The following PTPN13 variants were observed in gnomAD, a reference collection of about 807,000 sequenced individuals.
The protein encoded by PTPN13 is protein tyrosine phosphatase non-receptor type 13.
In PTPN13, 191 loss-of-function variants were observed where a neutral mutation model predicts 284.0. That is an observed-to-expected ratio of 0.67 (90% confidence interval 0.60 to 0.76). The LOEUF (loss-of-function observed/expected upper bound fraction) is 0.76, where lower values mean the gene tolerates loss of function less well. PTPN13 is among the 30% of genes least tolerant of loss of function. The pLI, the probability that PTPN13 is intolerant of heterozygous loss-of-function variation, is 0.00. For missense variants in PTPN13, 2,797 were observed against 2,939.9 expected, an observed-to-expected ratio of 0.95 and a Z score of 1.12; for synonymous variants, 986 against 1,022.3, an observed-to-expected ratio of 0.96 and a Z score of 0.68.
chr4:86,677,239 C>T (rs1018543649), intron 3 of PTPN13, among the ~76,000 whole-genome samples: 2 of 151,574 alleles, frequency 1.3e-5, no homozygotes, highest in Non-Finnish European at 2.9e-5. Context: ...TGCACTCCAA[C>T]CTGGGCAACA....
chr4:86,752,991 A>G lies in PTPN13; in HGVS notation c.3167-18A>G, dbSNP rs752664055. 6.3e-7 allele frequency: 1 copy of G among 1,582,948 alleles called. No individual in the cohort carries two copies. Among genetic ancestry groups the G allele is most frequent in the Non-Finnish European group, 8.6e-7 (1 of 1,156,786 alleles). ...CTGACCATCTTATGAAATGTCTAAT[A>G]TTTAATTTATGCCACAGGAATGACT... On this transcript the variant is annotated intron_variant, in intron 19 of 47. Coordinates refer to ENST00000411767, the MANE Select transcript of PTPN13 (RefSeq NM_080683.3).
chr4:86,701,885 C>A, intron 7 of PTPN13, 84 bp downstream of exon 7: 1 of 1,327,074 alleles, frequency 7.5e-7, no homozygotes, highest in Non-Finnish European at 1.0e-6. Flanking sequence ...TAAATTATTC[C>A]ACAAGTCTTA....
At chr4:86,630,147 A>G (rs570791494) in intron 1 of PTPN13, among the ~76,000 whole-genome samples, 2 of 152,240 alleles carry the variant, frequency 1.3e-5, no homozygotes, top group South Asian at 2.1e-4. Flanking sequence ...CTTTGAGTGT[A>G]TAATCTCATT....
At chr4:86,806,699 G>A (rs186761482) in intron 44 of PTPN13, among the ~76,000 whole-genome samples, 1 of 152,318 alleles carries the variant, frequency 6.6e-6, no homozygotes, top group Admixed American at 6.5e-5. Context: ...AGTCAAGTGA[G>A]AAGGGCAATT....
chr4:86,616,947 G>T (rs67274037), intron 1 of PTPN13, among the ~76,000 whole-genome samples: 2 of 152,020 alleles, frequency 1.3e-5, no homozygotes, highest in African/African-American at 2.4e-5. Flanking sequence ...AGGACTGAAG[G>T]GGAGAGCGTG....
Position 86,793,641 on chromosome 4 carries a change from T to C in PTPN13, c.6346-3233T>C, listed in dbSNP as rs372883159. On this transcript the variant is annotated intron_variant, in intron 40 of 47. Coordinates refer to ENST00000411767, the MANE Select transcript of PTPN13 (RefSeq NM_080683.3). ...TCAGCAAATGTAAAAGAACAGAAAT[T>C]ATAACAAACTGTCTCTCAGACCACA... Among the ~76,000 whole-genome samples, 5 of 152,184 alleles carry C rather than the reference T, an allele frequency of 3.3e-5. No individual in the cohort carries two copies. In the South Asian group the frequency reaches 8.3e-4, roughly 25 times the overall value.
rs549820891 is a variant in PTPN13 at position 86,672,325 on chromosome 4, C to CT, written c.116-31dup. The CT allele has an allele frequency of 6.8e-4, 981 of 1,445,274 alleles. 1 individual carries two copies. The highest frequency in any genetic ancestry group is 7.1e-4 in the Middle Eastern group (4 of 5,606). The allele number at this position is 1,445,274 out of a possible 1,614,324, so 89.5% of individuals were successfully genotyped here. On this transcript the variant is annotated intron_variant, in intron 2 of 47. Transcript: ENST00000411767. Reference sequence around the variant, plus strand: ...GATTATAATTTTAAGCAATTTTCTTCTTTTTTTTTATTTTTTATTTTGGTG... The same window carrying CT: ...GATTATAATTTTAAGCAATTTTCTTCTTTTTTTTTTATTTTTTATTTTGGTG...
At position 86,681,143 on chromosome 4, in the gene PTPN13, A is replaced by G. The variant is rs552295107; in HGVS notation, c.295-5567A>G. 5.9e-5 allele frequency among the ~76,000 whole-genome samples: 9 copies of G among 152,270 alleles called. No homozygotes were observed. The South Asian group carries it at 1.9e-3, about 32-fold the overall frequency. On this transcript the variant is annotated intron_variant, in intron 3 of 47. Coordinates refer to ENST00000411767, the MANE Select transcript of PTPN13 (RefSeq NM_080683.3). Reference sequence around the variant, plus strand: ...TCTGTGTTCCAAGTCTCAGCTTAATACCCCTCTGCTTTAAGTTTCTTCTAA... The same window carrying G: ...TCTGTGTTCCAAGTCTCAGCTTAATGCCCCTCTGCTTTAAGTTTCTTCTAA...
Position 86,675,028 on chromosome 4 carries a change from G to GA in PTPN13, c.294+2486dup, listed in dbSNP as rs1365700723. ...TAAAAAGTGCTTAGTAGAAATTTGGGATGCACAAGTGCTTTTCTGATTTTC... is the reference window on the plus strand; with the variant it reads ...TAAAAAGTGCTTAGTAGAAATTTGGGAATGCACAAGTGCTTTTCTGATTTTC... On this transcript the variant is annotated intron_variant, in intron 3 of 47. Transcript: ENST00000411767. 3.3e-5 allele frequency among the ~76,000 whole-genome samples: 5 copies of GA among 152,208 alleles called. No individual in the cohort carries two copies. In the East Asian group the frequency reaches 9.7e-4, roughly 29 times the overall value.
At chr4:86,645,019 C>T (rs1486271573) in intron 2 of PTPN13, among the ~76,000 whole-genome samples, 1 of 151,822 alleles carries the variant, frequency 6.6e-6, no homozygotes, top group African/African-American at 2.4e-5. Flanking sequence ...GACCAGCCTG[C>T]GAAACACGGT....
intron 2 of PTPN13, among the ~76,000 whole-genome samples, chr4:86,671,116 C>T (rs1415420792): frequency 2.6e-5 from 4 of 152,274 alleles, no homozygotes; most frequent in Middle Eastern, 3.4e-3. Flanking sequence ...GATTCATAAA[C>T]ATGCAGGTTT....
At position 86,662,836 on chromosome 4, in the gene PTPN13, G is replaced by T. The variant is rs142465662; in HGVS notation, c.116-9529G>T. On this transcript the variant is annotated intron_variant, in intron 2 of 47. Coordinates refer to ENST00000411767, the MANE Select transcript of PTPN13 (RefSeq NM_080683.3). ...ATATCAGACAGGGTGAGAGATTAAA[G>T]GTGCTCACCTCATACGTTATGGATA... Among the ~76,000 whole-genome samples the T allele has an allele frequency of 1.3e-3, 194 of 152,232 alleles. 4 individuals carry two copies. The highest frequency in any genetic ancestry group is 4.5e-3 in the African/African-American group (186 of 41,534).
At chr4:86,744,231 T>C (rs969734) in intron 16 of PTPN13, among the ~76,000 whole-genome samples, 22,082 of 152,194 alleles carry the variant, frequency 0.15, 2,025 homozygotes, top group East Asian at 0.29. Flanking sequence ...ATTCAGCCTT[T>C]ATGCCACCCA....
intron 7 of PTPN13, among the ~76,000 whole-genome samples, chr4:86,708,241 A>G (rs1371286352): frequency 6.6e-6 from 1 of 152,176 alleles, no homozygotes; most frequent in Non-Finnish European, 1.5e-5. Flanking sequence ...CTATTCCCAT[A>G]TGATATTAGG....
intron 1 of PTPN13, among the ~76,000 whole-genome samples, chr4:86,630,973 A>G (rs1354129159): frequency 6.6e-6 from 1 of 152,156 alleles, no homozygotes; most frequent in Non-Finnish European, 1.5e-5. Context: ...TTAACCAAAA[A>G]CATAATAATG....
At chr4:86,709,066 CACAT>C (rs1461216662) in intron 7 of PTPN13, among the ~76,000 whole-genome samples, 9 of 151,500 alleles carry the variant, frequency 5.9e-5, no homozygotes. Context: ...CATACACACA[CACAT>C]ACACACACAC....
In PTPN13 at chr4:86,771,552, G is replaced by A; in HGVS notation, c.5168+17G>A. 6.5e-7 allele frequency: 1 copy of A among 1,546,940 alleles called. No homozygotes were observed. Among genetic ancestry groups the A allele is most frequent in the African/African-American group, 1.4e-5 (1 of 73,676 alleles). Reference sequence around the variant, plus strand: ...TGAGGACAGGTATCATCAATATAATGTGAACCGCTCAAAGCAACTGGTTGT... The same window carrying A: ...TGAGGACAGGTATCATCAATATAATATGAACCGCTCAAAGCAACTGGTTGT... On this transcript the variant is annotated intron_variant, in intron 31 of 47. Coordinates refer to ENST00000411767, the MANE Select transcript of PTPN13 (RefSeq NM_080683.3).
intron 44 of PTPN13, among the ~76,000 whole-genome samples, chr4:86,805,770 T>C (rs2149379928): frequency 6.6e-6 from 1 of 152,268 alleles, no homozygotes; most frequent in Non-Finnish European, 1.5e-5. Flanking sequence ...TAGAGAAATA[T>C]CTATGGTAAT....
chr4:86,770,292 C>A, intron 30 of PTPN13, 93 bp downstream of exon 30: 1 of 1,217,110 alleles, frequency 8.2e-7, no homozygotes, highest in South Asian at 1.3e-5. Context: ...GAATTGTTCT[C>A]CTGGGTTTCA....
Sources: gnomAD v4.1 joint callset for allele counts (sites outside exome capture counted in the v4.1 genomes callset) on GRCh38, gnomAD v4.1.1 for gene constraint, MANE v1.5 for transcripts, NCBI Gene and HGNC (gene_info 2026-07-23, HGNC 2026-07-21) for gene names.